VPS13D: variants seen among roughly 807,000 people sequenced by gnomAD.
The protein encoded by VPS13D is vacuolar protein sorting 13 homolog D.
In VPS13D, 187 loss-of-function variants were observed where a neutral mutation model predicts 461.9. The ratio of observed to expected loss-of-function variants is 0.40; its 90% CI spans 0.36 to 0.46. The LOEUF (loss-of-function observed/expected upper bound fraction) is 0.46, where lower values mean the gene tolerates loss of function less well. VPS13D is among the 20% of genes least tolerant of loss of function. The pLI is 0.60. For synonymous variants in VPS13D, 1,951 were observed against 1,986.3 expected (o/e 0.98, Z 0.47); for missense variants, 4,711 against 5,364.9 (o/e 0.88, Z 3.81).
At chr1:12,261,266 A>C in intron 12 of VPS13D, 117 bp downstream of exon 12, 1 of 1,219,422 alleles carries the variant, frequency 8.2e-7, no homozygotes, top group Non-Finnish European at 1.2e-6. Flanking sequence ...GTTTATGTTC[A>C]TAGAGGCTGA....
At chr1:12,308,206 G>A (rs963410825) in intron 26 of VPS13D, among the ~76,000 whole-genome samples, 1 of 152,120 alleles carries the variant, frequency 6.6e-6, no homozygotes, top group African/African-American at 2.4e-5. Context: ...AGTGGAGGCG[G>A]GTGGGCAGGG....
chr1:12,378,479 GC>G lies in VPS13D; in HGVS notation c.10972del (p.His3658MetfsTer25). ...GAGGATGACAGGAACAGGAATGCTG[GC>G]CCATGAGGGCTCCTCAGTTCCTCAC... Reference protein sequence around the residue: ...LWRMTGTGMLAHEGSSVPHNP... With the variant: ...LWRMTGTGMLXHEGSSVPHNP... On this transcript the variant is annotated frameshift_variant, in exon 56 of 70. Transcript: ENST00000620676. LOFTEE classifies it high-confidence loss of function. 6.2e-7 allele frequency: 1 copy of G among 1,612,344 alleles called. No homozygotes were observed. Among genetic ancestry groups the G allele is most frequent in the Non-Finnish European group, 8.5e-7 (1 of 1,179,270 alleles).
chr1:12,332,717 C>G (rs377157067), intron 37 of VPS13D, among the ~76,000 whole-genome samples: 1 of 151,986 alleles, frequency 6.6e-6, no homozygotes, highest in Non-Finnish European at 1.5e-5. Flanking sequence ...AGTGAGTACA[C>G]GAGTGTTAGT....
At chr1:12,403,501 A>G (rs1644607348) in intron 62 of VPS13D, among the ~76,000 whole-genome samples, 1 of 152,248 alleles carries the variant, frequency 6.6e-6, no homozygotes, top group Non-Finnish European at 1.5e-5. Context: ...GGTCATTGAT[A>G]ATAACATTGC....
chr1:12,497,905 G>A (rs1280394045), intron 68 of VPS13D, among the ~76,000 whole-genome samples: 1 of 152,202 alleles, frequency 6.6e-6, no homozygotes, highest in African/African-American at 2.4e-5. Flanking sequence ...AGTTCAAAGA[G>A]AGAAGATCAT....
intron 6 of VPS13D, among the ~76,000 whole-genome samples, chr1:12,251,136 G>A (rs1188393228): frequency 6.6e-6 from 1 of 150,812 alleles, no homozygotes; most frequent in East Asian, 2.0e-4. Flanking sequence ...CCACGGTGGA[G>A]TAGTGTAGTT....
Position 12,283,411 on chromosome 1 carries a change from A to C in VPS13D, c.5309A>C (p.Glu1770Ala), listed in dbSNP as rs781325991. The C allele has an allele frequency of 6.2e-7, 1 of 1,614,218 alleles. No homozygotes were observed. The highest frequency in any genetic ancestry group is 8.5e-7 in the Non-Finnish European group (1 of 1,180,028). The change falls in exon 21 of 70, where the codon GAG becomes GCG. Residue 1770 changes from glutamate to alanine, a missense_variant. Physicochemically the swap from Glu to Ala is moderately radical, Grantham distance 107. Around this residue, in one of 3 missense-constraint regions of VPS13D, gnomAD observed 4,411 missense variants for 4,937.8 expected, o/e 0.89. Coordinates refer to ENST00000620676, the MANE Select transcript of VPS13D (RefSeq NM_015378.4). ...CCACCTCCTTCTCCAACAGTGGATG[A>C]GCCCAAGATACTTGTTGGAAAGAGT... ...LTPPPSPTVDEPKILVGKSKF... is the reference protein window; with the variant it reads ...LTPPPSPTVDAPKILVGKSKF...
At chr1:12,498,956 G>A (rs1298907575) in intron 68 of VPS13D, among the ~76,000 whole-genome samples, 1 of 152,236 alleles carries the variant, frequency 6.6e-6, no homozygotes, top group Non-Finnish European at 1.5e-5. Context: ...TGGCGGGGAG[G>A]GGGTAACTCT....
At chr1:12,463,557 C>T (rs1454961313) in intron 67 of VPS13D, among the ~76,000 whole-genome samples, 1 of 152,010 alleles carries the variant, frequency 6.6e-6, no homozygotes, top group African/African-American at 2.4e-5. Flanking sequence ...TTGAGACCAG[C>T]CTGGGCAACA....
At chr1:12,362,602 G>T in intron 50 of VPS13D, 118 bp from the exon 51 acceptor site, 1 of 989,276 alleles carries the variant, frequency 1.0e-6, no homozygotes, top group Non-Finnish European at 1.5e-6. Context: ...ATATCCTCTG[G>T]GTGATACAGT....
At chr1:12,364,115 A>G (rs990090584) in intron 52 of VPS13D, among the ~76,000 whole-genome samples, 6 of 152,292 alleles carry the variant, frequency 3.9e-5, no homozygotes, top group South Asian at 4.1e-4. Flanking sequence ...TTTTAAGTAT[A>G]CAGTTAACTG....
chr1:12,347,787 A>AG (rs1348075219), intron 44 of VPS13D, among the ~76,000 whole-genome samples: 1 of 152,222 alleles, frequency 6.6e-6, no homozygotes, highest in Non-Finnish European at 1.5e-5. Flanking sequence ...CTGGACACTC[A>AG]TTCTAAGAGT....
At chr1:12,356,235 G>A in intron 48 of VPS13D, 145 bp downstream of exon 48, 1 of 1,373,732 alleles carries the variant, frequency 7.3e-7, no homozygotes, top group Non-Finnish European at 9.7e-7. Flanking sequence ...CATCATAAAT[G>A]CTTAATCATG....
intron 31 of VPS13D, 145 bp from the exon 32 acceptor site, chr1:12,319,352 A>C (rs745586552): frequency 2.1e-5 from 23 of 1,115,300 alleles, no homozygotes; most frequent in Non-Finnish European, 3.0e-5. Context: ...TGACACTGTT[A>C]GTAAATGTCA....
intron 13 of VPS13D, among the ~76,000 whole-genome samples, 169 bp from the exon 14 acceptor site, chr1:12,266,712 T>C (rs922359795): frequency 1.3e-5 from 2 of 152,214 alleles, no homozygotes; most frequent in African/African-American, 4.8e-5. Context: ...ACCCGCAATA[T>C]CTCCAATATG....
chr1:12,304,764 G>A (rs763986366), intron 26 of VPS13D, 36 bp downstream of exon 26: 3 of 1,606,446 alleles, frequency 1.9e-6, no homozygotes, highest in Non-Finnish European at 1.7e-6. Flanking sequence ...TACTGAAGGT[G>A]GGGAAATTCA....
rs115222890 is a variant in VPS13D, at chr1:12,285,881, C to T, written c.5634+2145C>T. 3.7e-3 allele frequency among the ~76,000 whole-genome samples: 558 copies of T among 152,220 alleles called. 2 individuals are homozygous for T. The highest frequency in any genetic ancestry group is 0.013 in the African/African-American group (545 of 41,528). On this transcript the variant is annotated intron_variant, in intron 21 of 69. Coordinates refer to ENST00000620676, the MANE Select transcript of VPS13D (RefSeq NM_015378.4). ...GTGCTTTTGTAAGCCAAAGTTTTCTCATTTACAAAATAAGGAGAATTAAAT... is the reference window on the plus strand; with the variant it reads ...GTGCTTTTGTAAGCCAAAGTTTTCTTATTTACAAAATAAGGAGAATTAAAT...
At chr1:12,266,794 C>A in intron 13 of VPS13D, 87 bp from the exon 14 acceptor site, 1 of 1,187,044 alleles carries the variant, frequency 8.4e-7, no homozygotes, top group Non-Finnish European at 1.1e-6. Context: ...CTATAATAAT[C>A]TTCTGTAAAA....
At chr1:12,271,192 C>T (rs1239104781) in intron 17 of VPS13D, 68 bp downstream of exon 17, 63 of 1,597,128 alleles carry the variant, frequency 3.9e-5, no homozygotes, top group East Asian at 4.5e-5. Context: ...CGTCAAGTCA[C>T]TACTTACTGT....
Sources: gnomAD v4.1 joint callset for allele counts (sites outside exome capture counted in the v4.1 genomes callset) on GRCh38, gnomAD v4.1.1 for gene constraint, gnomAD v4.1.1 regional missense constraint, MANE v1.5 for transcripts, NCBI Gene and HGNC (gene_info 2026-07-23, HGNC 2026-07-21) for gene names.